Variants in EVC2 observed in about 807,000 individuals in gnomAD.
EVC2 encodes EvC ciliary complex subunit 2.
EVC2 carries 148 observed loss-of-function variants against 149.3 expected under a neutral mutation model. The observed-to-expected ratio is 0.99, with a 90% confidence interval of 0.87 to 1.14. EVC2 has a LOEUF of 1.14. Among genes scored for constraint, EVC2 ranks in the 50% most tolerant of loss-of-function variants. EVC2 has a pLI of 0.00. For synonymous variants in EVC2, 776 were observed against 649.9 expected, an observed-to-expected ratio of 1.19 and a Z score of -2.95; for missense variants, 1,854 against 1,627.3, an observed-to-expected ratio of 1.14 and a Z score of -2.40.
At position 5,632,026 on chromosome 4, in the gene EVC2, C is replaced by T. The variant is rs751744985; in HGVS notation, c.1477G>A (p.Val493Ile). 3.1e-6 allele frequency: 5 copies of T among 1,614,040 alleles called. No homozygotes were observed. The highest frequency in any genetic ancestry group is 2.2e-5 in the East Asian group (1 of 44,876). Residue 493 changes from valine (V) to isoleucine (I), a missense_variant, in exon 11 of 22, where the codon GTA becomes ATA. Val to Ile is a conservative substitution (Grantham distance 29). Transcript: ENST00000344408. ...GTCCGCAGAAGGTTGCTGCACTCTA[C>T]AGCAGACTGGAGAGAGGAAAGGGAG... ...LLKRAGERSA[V>I]ECSNLLRTLH...
chr4:5,642,757 G>A (rs1194616904), intron 9 of EVC2, among the ~76,000 whole-genome samples: 1 of 152,136 alleles, frequency 6.6e-6, no homozygotes, highest in Non-Finnish European at 1.5e-5. Context: ...AAACATCTTT[G>A]ATAATTTGAT....
chr4:5,579,185 A>G (rs1447030313), intron 17 of EVC2, among the ~76,000 whole-genome samples: 1 of 152,110 alleles, frequency 6.6e-6, no homozygotes, highest in Admixed American at 6.6e-5. Flanking sequence ...GTAGGGAGAA[A>G]GGGAGGTAGG....
intron 9 of EVC2, among the ~76,000 whole-genome samples, chr4:5,660,190 C>G (rs536958452): frequency 6.6e-5 from 10 of 152,152 alleles, no homozygotes; most frequent in Non-Finnish European, 1.5e-4. Flanking sequence ...CTTAATTAAC[C>G]AAGCCACACA....
In EVC2 at chr4:5,691,322, A is replaced by T; in HGVS notation, c.462T>A (p.Ile154=). The change falls in exon 4 of 22, where the codon ATT becomes ATA. Residue 154 remains isoleucine, a synonymous_variant. Transcript: ENST00000344408. ...CAGAAGTCCCTTGAACTTCTCTTGAAATGTCCCCATACTACAATAAAATGT... is the reference window on the plus strand; with the variant it reads ...CAGAAGTCCCTTGAACTTCTCTTGATATGTCCCCATACTACAATAAAATGT... ...SPITHRLYGD[I]SREVQGTSEN... 2 of 1,612,842 alleles carry T rather than the reference A, an allele frequency of 1.2e-6. No individual in the cohort carries two copies. The highest frequency in any genetic ancestry group is 1.7e-6 in the Non-Finnish European group (2 of 1,178,934).
At chr4:5,577,491 G>C (rs1302945383) in intron 17 of EVC2, among the ~76,000 whole-genome samples, 1 of 152,110 alleles carries the variant, frequency 6.6e-6, no homozygotes, top group Non-Finnish European at 1.5e-5. Flanking sequence ...AATCCTAAGA[G>C]GCCTTGGTTG....
rs1227659730 is a variant in EVC2 at position 5,685,628 on chromosome 4, T to C, written c.707-149A>G. On this transcript the variant is annotated intron_variant, in intron 5 of 21. Coordinates refer to ENST00000344408, the MANE Select transcript of EVC2 (RefSeq NM_147127.5). ...GTGATGCCTGCAGCAAGGAAGCCCT[T>C]TGTATTGCACACAGCTGGGTGTGGG... The C allele has an allele frequency of 6.0e-6, 4 of 662,930 alleles. No individual in the cohort carries two copies. The East Asian group carries it at 8.2e-5, about 14-fold the overall frequency. The allele number at this position is 662,930 out of a possible 1,614,324, so 41.1% of individuals were successfully genotyped here. A position where few individuals can be genotyped will look rare whatever the true frequency, so the allele number is the denominator to read the frequency against.
intron 14 of EVC2, among the ~76,000 whole-genome samples, chr4:5,620,768 C>G (rs80295496): frequency 0.024 from 3,598 of 152,230 alleles, 109 homozygotes; most frequent in African/African-American, 0.071. Context: ...GCTTTAGTAA[C>G]ACTCCCTGCA....
At chr4:5,631,722 T>C in intron 11 of EVC2, 71 bp downstream of exon 11, 1 of 1,595,704 alleles carries the variant, frequency 6.3e-7, no homozygotes, top group South Asian at 1.1e-5. Flanking sequence ...GACTGAACTC[T>C]GAGAGAGGAG....
At chr4:5,593,391 C>T (rs1382370255) in intron 16 of EVC2, among the ~76,000 whole-genome samples, 1 of 152,124 alleles carries the variant, frequency 6.6e-6, no homozygotes, top group Non-Finnish European at 1.5e-5. Context: ...GAAAACTTGC[C>T]TCAGTTTCTT....
chr4:5,704,970 A>C (rs1232216880), intron 1 of EVC2, among the ~76,000 whole-genome samples: 1 of 152,106 alleles, frequency 6.6e-6, no homozygotes, highest in African/African-American at 2.4e-5. Flanking sequence ...TTAGCCTCCC[A>C]AAGTGTTGGG....
In EVC2 at chr4:5,679,277, C is replaced by T. The variant is rs1720188787; in HGVS notation, c.870+1983G>A. ...TTGAGACAGAGTCTCACTCTGTTAA[C>T]CAGGCTGGAGTGCAGTGGCATGATC... On this transcript the variant is annotated intron_variant, in intron 7 of 21. Coordinates refer to ENST00000344408, the MANE Select transcript of EVC2 (RefSeq NM_147127.5). The surrounding 1 kb of genome is among the most constrained non-coding windows in gnomAD (Gnocchi z 5.1). Among the ~76,000 whole-genome samples, 1 of 152,100 alleles carries T rather than the reference C, an allele frequency of 6.6e-6. No individual in the cohort carries two copies. The highest frequency in any genetic ancestry group is 6.5e-5 in the Admixed American group (1 of 15,278).
rs1716076203 is a variant in EVC2 at position 5,625,935 on chromosome 4, A to AATGTG, written c.1887-32_1887-28dup. 5 of 1,613,438 alleles carry AATGTG rather than the reference A, an allele frequency of 3.1e-6. No homozygotes were observed. Among genetic ancestry groups the AATGTG allele is most frequent in the Non-Finnish European group, 4.2e-6 (5 of 1,179,980 alleles). On this transcript the variant is annotated intron_variant, in intron 12 of 21. Coordinates refer to ENST00000344408, the MANE Select transcript of EVC2 (RefSeq NM_147127.5). This position sits in a 1 kb window ranked among gnomAD's most constrained non-coding sequence, Gnocchi z 4.0. ...TAGATGGAAAGGATGTAAAGTTAGG[A>AATGTG]ATGTGGTCTCCAAACTCACCTGTAG...
At chr4:5,586,639 G>C (rs561741309) in intron 16 of EVC2, among the ~76,000 whole-genome samples, 24 of 149,058 alleles carry the variant, frequency 1.6e-4, no homozygotes, top group Admixed American at 4.6e-4. Context: ...ATAAAACCTT[G>C]GTCTCCACAA....
At chr4:5,672,614 T>C (rs1289926155) in intron 7 of EVC2, among the ~76,000 whole-genome samples, 1 of 152,200 alleles carries the variant, frequency 6.6e-6, no homozygotes, top group Admixed American at 6.5e-5. Flanking sequence ...TCCCCAGCTC[T>C]GAGAGGCAAT....
In EVC2 at chr4:5,618,975, T is replaced by A. The variant is rs1358956803; in HGVS notation, c.2502-293A>T. Among the ~76,000 whole-genome samples the A allele has an allele frequency of 2.0e-5, 3 of 152,070 alleles. No homozygotes were observed. The highest frequency in any genetic ancestry group is 2.9e-5 in the Non-Finnish European group (2 of 68,012). On this transcript the variant is annotated intron_variant, in intron 14 of 21. Transcript: ENST00000344408. The surrounding 1 kb of genome is among the most constrained non-coding windows in gnomAD (Gnocchi z 4.4). ...GCCCACGACCTTGCAATTAACCTGG[T>A]CTCACTTCAGAAACAGACGTGTAAA...
intron 16 of EVC2, among the ~76,000 whole-genome samples, chr4:5,591,978 T>C (rs1235195449): frequency 6.6e-6 from 1 of 152,230 alleles, no homozygotes; most frequent in East Asian, 1.9e-4. Context: ...CATTATAATG[T>C]CCTTTAAACA....
chr4:5,660,917 C>A (rs1361170375), intron 9 of EVC2, among the ~76,000 whole-genome samples: 6 of 152,170 alleles, frequency 3.9e-5, no homozygotes, highest in Non-Finnish European at 8.8e-5. Context: ...AACTATCAAA[C>A]ACTGAAAATA....
At position 5,663,131 on chromosome 4, in the gene EVC2, C is replaced by A; in HGVS notation, c.1121G>T (p.Gly374Val). 2 of 1,614,090 alleles carry A rather than the reference C, an allele frequency of 1.2e-6. No individual in the cohort carries two copies. Among genetic ancestry groups the A allele is most frequent in the South Asian group, 2.2e-5 (2 of 91,072 alleles). Residue 374 changes from glycine (G) to valine (V), a missense_variant, in exon 9 of 22, where the codon GGG becomes GTG. Coordinates refer to ENST00000344408, the MANE Select transcript of EVC2 (RefSeq NM_147127.5). ...CTCTTCTAAGGCTTGAAGCATGCTCCCAGGGTCCTCGGAAGACAGAATGTC... is the reference window on the plus strand; with the variant it reads ...CTCTTCTAAGGCTTGAAGCATGCTCACAGGGTCCTCGGAAGACAGAATGTC... Reference protein sequence around the residue: ...MIDILSSEDPGSMLQALEELE... With the variant: ...MIDILSSEDPVSMLQALEELE...
At position 5,598,202 on chromosome 4, in the gene EVC2, G is replaced by A. The variant is rs1322230749; in HGVS notation, c.2830-13352C>T. Among the ~76,000 whole-genome samples the A allele has an allele frequency of 2.6e-5, 4 of 152,042 alleles. No individual in the cohort carries two copies. The South Asian group carries it at 8.3e-4, about 32-fold the overall frequency. Reference sequence around the variant, plus strand: ...CCAGCTACCAATGACTTTCTTCACAGAATTGGAAAAAACTAATTTAAAGTT... The same window carrying A: ...CCAGCTACCAATGACTTTCTTCACAAAATTGGAAAAAACTAATTTAAAGTT... On this transcript the variant is annotated intron_variant, in intron 16 of 21. Coordinates refer to ENST00000344408, the MANE Select transcript of EVC2 (RefSeq NM_147127.5).
Sources: allele counts gnomAD v4.1 joint callset (sites outside exome capture counted in the v4.1 genomes callset), GRCh38; gene constraint gnomAD v4.1.1; non-coding constraint Gnocchi (gnomAD v3.1); transcripts MANE v1.5; gene names NCBI Gene and HGNC (gene_info 2026-07-23, HGNC 2026-07-21).